PDGFC: variants seen among roughly 807,000 people sequenced by gnomAD.
PDGFC encodes the protein platelet derived growth factor C.
In PDGFC, 12 loss-of-function variants were observed where a neutral mutation model predicts 35.5. The ratio of observed to expected loss-of-function variants is 0.34; its 90% CI spans 0.22 to 0.55. PDGFC has a LOEUF of 0.55. Among genes scored for constraint, PDGFC ranks in the 20% least tolerant of loss-of-function variants. PDGFC has a pLI of 0.91. For missense variants in PDGFC, 322 were observed against 412.4 expected, an observed-to-expected ratio of 0.78 and a Z score of 1.90; for synonymous variants, 159 against 148.8, an observed-to-expected ratio of 1.07 and a Z score of -0.50.
At chr4:156,900,409 C>T (rs1322842585) in intron 1 of PDGFC, among the ~76,000 whole-genome samples, 12 of 152,088 alleles carry the variant, frequency 7.9e-5, no homozygotes, top group Non-Finnish European at 1.3e-4. Flanking sequence ...ATCATTTAAA[C>T]GAAGGAATGG....
At chr4:156,870,117 A>G (rs372570653) in intron 1 of PDGFC, among the ~76,000 whole-genome samples, 1 of 152,150 alleles carries the variant, frequency 6.6e-6, no homozygotes, top group South Asian at 2.1e-4. Flanking sequence ...AAAATTAAGA[A>G]AACTAAGATC....
chr4:156,925,765 C>G (rs527704791), intron 1 of PDGFC, among the ~76,000 whole-genome samples: 1 of 148,862 alleles, frequency 6.7e-6, no homozygotes, highest in Non-Finnish European at 1.5e-5. Context: ...AAGAGAGAGA[C>G]GGGGGATGGG....
intron 1 of PDGFC, among the ~76,000 whole-genome samples, chr4:156,868,214 C>T (rs896589355): frequency 1.3e-5 from 2 of 152,124 alleles, no homozygotes; most frequent in African/African-American, 4.8e-5. Context: ...ATGAATGTCA[C>T]AAATCTGAAA....
chr4:156,776,790 TC>T (rs1389911294), intron 3 of PDGFC, among the ~76,000 whole-genome samples: 1 of 152,168 alleles, frequency 6.6e-6, no homozygotes, highest in Non-Finnish European at 1.5e-5. Context: ...GGACTCTAAA[TC>T]CCAGAGATAC....
chr4:156,781,369 T>C (rs1374511923), intron 3 of PDGFC, among the ~76,000 whole-genome samples: 1 of 152,196 alleles, frequency 6.6e-6, no homozygotes, highest in Non-Finnish European at 1.5e-5. Flanking sequence ...CTGAATTAAA[T>C]AACAGAAATT....
chr4:156,826,476 A>G (rs1418507579), intron 2 of PDGFC, among the ~76,000 whole-genome samples: 1 of 152,034 alleles, frequency 6.6e-6, no homozygotes, highest in Admixed American at 6.6e-5. Context: ...GTGTTGGGGT[A>G]CAGGAATGAG....
intron 3 of PDGFC, among the ~76,000 whole-genome samples, chr4:156,804,543 C>T (rs1731705347): frequency 6.6e-6 from 1 of 151,896 alleles, no homozygotes; most frequent in Admixed American, 6.6e-5. Context: ...CATCTTCCTT[C>T]TCAAAATCTT....
At chr4:156,882,811 A>G (rs1343028868) in intron 1 of PDGFC, among the ~76,000 whole-genome samples, 1 of 152,172 alleles carries the variant, frequency 6.6e-6, no homozygotes, top group African/African-American at 2.4e-5. Context: ...CAGGCTGGGC[A>G]TGGTGGCTCA....
At chr4:156,837,902 G>T (rs1208286733) in intron 2 of PDGFC, among the ~76,000 whole-genome samples, 1 of 152,052 alleles carries the variant, frequency 6.6e-6, no homozygotes, top group Admixed American at 6.6e-5. Flanking sequence ...CATCTCATTA[G>T]CCAAGAGCAG....
intron 2 of PDGFC, among the ~76,000 whole-genome samples, chr4:156,827,037 T>C (rs1728776977): frequency 3.3e-5 from 5 of 152,248 alleles, no homozygotes; most frequent in Admixed American, 3.3e-4. Flanking sequence ...AATGGTTTCC[T>C]ATAAATGCAT....
At chr4:156,819,122 G>C (rs926226803) in intron 2 of PDGFC, among the ~76,000 whole-genome samples, 2 of 152,210 alleles carry the variant, frequency 1.3e-5, no homozygotes, top group Non-Finnish European at 2.9e-5. Context: ...GTTGCTTCAT[G>C]AGGTTGAATG....
At chr4:156,832,815 T>C (rs1251609251) in intron 2 of PDGFC, among the ~76,000 whole-genome samples, 1 of 152,234 alleles carries the variant, frequency 6.6e-6, no homozygotes, top group African/African-American at 2.4e-5. Flanking sequence ...CAGGGCCTGC[T>C]GCTGGACTAT....
chr4:156,904,505 C>T (rs192334414), intron 1 of PDGFC, among the ~76,000 whole-genome samples: 1 of 152,010 alleles, frequency 6.6e-6, no homozygotes, highest in Admixed American at 6.6e-5. Context: ...GCCTTCATTT[C>T]TCTATTGCTC....
intron 2 of PDGFC, among the ~76,000 whole-genome samples, chr4:156,827,108 C>G (rs530837048): frequency 1.8e-4 from 27 of 152,124 alleles, no homozygotes; most frequent in Non-Finnish European, 2.6e-4. Context: ...ATTCATTATT[C>G]AAAATTTGCC....
At chr4:156,835,048 G>A (rs1213099617) in intron 2 of PDGFC, among the ~76,000 whole-genome samples, 2 of 152,128 alleles carry the variant, frequency 1.3e-5, no homozygotes, top group East Asian at 3.8e-4. Context: ...TAGGTAAAAT[G>A]TTATATTACT....
chr4:156,830,527 T>C (rs954169654), intron 2 of PDGFC, among the ~76,000 whole-genome samples: 1 of 133,952 alleles, frequency 7.5e-6, no homozygotes, highest in Non-Finnish European at 1.7e-5. Flanking sequence ...ATTTAGTCAC[T>C]TGTGGACCTC....
At chr4:156,818,222 A>T (rs1732146142) in intron 2 of PDGFC, among the ~76,000 whole-genome samples, 1 of 151,470 alleles carries the variant, frequency 6.6e-6, no homozygotes, top group Non-Finnish European at 1.5e-5. Context: ...ATATACACTC[A>T]ATGCATTTTC....
At chr4:156,886,298 T>C (rs913436207) in intron 1 of PDGFC, among the ~76,000 whole-genome samples, 3 of 152,222 alleles carry the variant, frequency 2.0e-5, no homozygotes, top group Non-Finnish European at 2.9e-5. Flanking sequence ...GCCAATGTGC[T>C]ATAACTCTCT....
At chr4:156,867,694 T>G (rs1473055547) in intron 1 of PDGFC, among the ~76,000 whole-genome samples, 2 of 152,160 alleles carry the variant, frequency 1.3e-5, no homozygotes, top group African/African-American at 4.8e-5. Flanking sequence ...AAGTGACTTA[T>G]CGCTCCTGCT....
Sources: allele counts gnomAD v4.1 joint callset (sites outside exome capture counted in the v4.1 genomes callset), GRCh38; gene constraint gnomAD v4.1.1; transcripts MANE v1.5; gene names NCBI Gene and HGNC (gene_info 2026-07-23, HGNC 2026-07-21).